The following COL11A1 variants were observed in gnomAD, a reference collection of about 807,000 sequenced individuals.
COL11A1 encodes the protein collagen type XI alpha 1 chain.
A neutral mutation model predicts 265.2 loss-of-function variants in COL11A1; 74 were observed. The observed-to-expected ratio is 0.28, with a 90% CI of 0.23 to 0.34. The LOEUF (loss-of-function observed/expected upper bound fraction) is 0.34, where lower values mean the gene tolerates loss of function less well. Among genes scored for constraint, COL11A1 ranks in the 10% least tolerant of loss-of-function variants. The probability of loss-of-function intolerance (pLI) is 1.00; values close to 1 mark genes in which losing one functional copy is unlikely to be tolerated. For missense variants in COL11A1, 2,165 were observed against 2,263.6 expected (o/e 0.96, Z 0.88); for synonymous variants, 816 against 727.6 (o/e 1.12, Z -1.96).
At chr1:103,046,642 G>T (rs1161605336) in intron 4 of COL11A1, among the ~76,000 whole-genome samples, 1 of 151,156 alleles carries the variant, frequency 6.6e-6, no homozygotes, top group East Asian at 1.9e-4. Flanking sequence ...GTCTTTTGTT[G>T]CCATTGCTTT....
chr1:103,025,404 A>G, intron 7 of COL11A1, 117 bp downstream of exon 7: 1 of 774,288 alleles, frequency 1.3e-6, no homozygotes, highest in Non-Finnish European at 2.2e-6. Context: ...ACTTTAGTAA[A>G]AGAATAAAAA....
At chr1:102,925,968 C>T (rs777298506) in intron 46 of COL11A1, among the ~76,000 whole-genome samples, 1 of 151,918 alleles carries the variant, frequency 6.6e-6, no homozygotes, top group Non-Finnish European at 1.5e-5. Context: ...AAAGGTATGT[C>T]AATATTAATT....
intron 57 of COL11A1, among the ~76,000 whole-genome samples, chr1:102,895,823 G>T: frequency 6.7e-6 from 1 of 149,656 alleles, no homozygotes; most frequent in East Asian, 2.0e-4. Flanking sequence ...GTCTATCATA[G>T]TACTTAACAT....
At chr1:102,938,152 C>G (rs1658341734) in intron 44 of COL11A1, among the ~76,000 whole-genome samples, 1 of 152,152 alleles carries the variant, frequency 6.6e-6, no homozygotes, top group South Asian at 2.1e-4. Flanking sequence ...TCCATCAATT[C>G]TAATAAAAAT....
chr1:102,931,961 C>T (rs1161693513), intron 46 of COL11A1, among the ~76,000 whole-genome samples: 3 of 150,506 alleles, frequency 2.0e-5, no homozygotes, highest in Non-Finnish European at 4.4e-5. Flanking sequence ...CTTCCTCCAT[C>T]CTTTTATTTT....
chr1:102,897,889 G>C (rs1445977201), intron 57 of COL11A1, among the ~76,000 whole-genome samples: 1 of 150,194 alleles, frequency 6.7e-6, no homozygotes, highest in Non-Finnish European at 1.5e-5. Context: ...ATTCAGAGTG[G>C]AAATATTTTT....
intron 42 of COL11A1, among the ~76,000 whole-genome samples, chr1:102,946,596 T>C (rs1464668291): frequency 6.6e-6 from 1 of 151,344 alleles, no homozygotes. Flanking sequence ...AAAAGCAAAA[T>C]GAAAAGCCTT....
rs1236524055 is a variant in COL11A1, at chr1:102,922,809, A to G, written c.3654+527T>C. ...ATTCCTAAGGAGAATAAAACCTAAC[A>G]GACAAGTGTTAAAATTTCAAAATGT... is the stretch of plus-strand genomic sequence containing the variant. On this transcript the variant is annotated intron_variant, in intron 47 of 66. Coordinates refer to ENST00000370096, the MANE Select transcript of COL11A1 (RefSeq NM_001854.4). 2.0e-5 allele frequency among the ~76,000 whole-genome samples: 3 copies of G among 152,336 alleles called. No individual in the cohort carries two copies. In the East Asian group the frequency reaches 5.8e-4, roughly 29 times the overall value.
intron 1 of COL11A1, among the ~76,000 whole-genome samples, chr1:103,091,245 T>A (rs1359493955): frequency 6.6e-6 from 1 of 152,068 alleles, no homozygotes; most frequent in Non-Finnish European, 1.5e-5. Context: ...GTTCTTTCAT[T>A]TATTGTAAAT....
chr1:102,962,594 T>C (rs745950676), intron 39 of COL11A1, 59 bp downstream of exon 39: 1 of 1,387,146 alleles, frequency 7.2e-7, no homozygotes, highest in Non-Finnish European at 1.0e-6. Flanking sequence ...AAGGGGTGAG[T>C]ATAGTTAAAC....
intron 7 of COL11A1, 151 bp from the exon 8 acceptor site, chr1:103,023,147 G>C (rs552249138): frequency 4.0e-6 from 3 of 741,082 alleles, no homozygotes; most frequent in African/African-American, 3.5e-5. Flanking sequence ...TAGGCTTTCA[G>C]TATCATTGAA....
intron 28 of COL11A1, among the ~76,000 whole-genome samples, chr1:102,993,626 C>T (rs1254195379): frequency 6.6e-6 from 1 of 152,062 alleles, no homozygotes; most frequent in Non-Finnish European, 1.5e-5. Context: ...CAGCCTTGAC[C>T]TCCTGAGCTC....
chr1:103,011,158 A>C (rs898542955), intron 14 of COL11A1, among the ~76,000 whole-genome samples: 3 of 152,138 alleles, frequency 2.0e-5, no homozygotes, highest in African/African-American at 7.2e-5. Flanking sequence ...TTTTATTTTT[A>C]ATAAAATACC....
At chr1:103,039,236 A>G (rs1460714783) in intron 4 of COL11A1, among the ~76,000 whole-genome samples, 1 of 152,196 alleles carries the variant, frequency 6.6e-6, no homozygotes, top group Non-Finnish European at 1.5e-5. Flanking sequence ...TAATTGGCAG[A>G]AAATTTCCCT....
chr1:103,029,194 A>G (rs1056447522), intron 5 of COL11A1, among the ~76,000 whole-genome samples: 11 of 152,086 alleles, frequency 7.2e-5, no homozygotes, highest in African/African-American at 2.7e-4. Context: ...TGACTTATAA[A>G]ATAAATTGAC....
At chr1:102,993,644 T>C (rs866023937) in intron 28 of COL11A1, among the ~76,000 whole-genome samples, 28 of 151,998 alleles carry the variant, frequency 1.8e-4, no homozygotes, top group African/African-American at 6.5e-4. Flanking sequence ...CTCAAGCAAC[T>C]CTCCCTCCTT....
intron 32 of COL11A1, 51 bp downstream of exon 32, chr1:102,979,331 C>T: frequency 1.4e-6 from 2 of 1,403,024 alleles, no homozygotes; most frequent in South Asian, 2.3e-5. Flanking sequence ...ACCACTATGT[C>T]CAGCTAAGAA....
At chr1:102,962,467 G>A (rs945237406) in intron 39 of COL11A1, among the ~76,000 whole-genome samples, 186 bp downstream of exon 39, 1 of 152,154 alleles carries the variant, frequency 6.6e-6, no homozygotes, top group African/African-American at 2.4e-5. Context: ...AGATTTTATG[G>A]TCAACGGAGC....
At chr1:103,014,708 T>C (rs1402126684) in intron 12 of COL11A1, 114 bp from the exon 13 acceptor site, 1 of 832,772 alleles carries the variant, frequency 1.2e-6, no homozygotes, top group African/African-American at 1.7e-5. Flanking sequence ...TTTACAAAAT[T>C]ACAAAGTAAC....
Sources: gnomAD v4.1 joint callset for allele counts (sites outside exome capture counted in the v4.1 genomes callset) on GRCh38, gnomAD v4.1.1 for gene constraint, MANE v1.5 for transcripts, NCBI Gene and HGNC (gene_info 2026-07-23, HGNC 2026-07-21) for gene names.